Variants in RBMS3 observed in about 807,000 individuals in gnomAD.
RBMS3 encodes RNA-binding motif, single-stranded-interacting protein 3.
RBMS3 carries 27 observed loss-of-function variants against 66.8 expected under a neutral mutation model. The observed-to-expected ratio is 0.40, with a 90% confidence interval of 0.30 to 0.56. The LOEUF is 0.56. Ranked by LOEUF, RBMS3 falls within the 20% of genes least tolerant of loss-of-function variation. RBMS3 has a pLI of 0.40. For synonymous variants in RBMS3, 188 were observed against 183.0 expected (o/e 1.03, Z -0.22); for missense variants, 513 against 549.5 (o/e 0.93, Z 0.66).
chr3:29,854,919 A>G (rs992897387), intron 6 of RBMS3, among the ~76,000 whole-genome samples: 7 of 152,186 alleles, frequency 4.6e-5, no homozygotes, highest in African/African-American at 1.4e-4. Context: ...CCTGCAATTG[A>G]CTGTACTATT....
intron 10 of RBMS3, among the ~76,000 whole-genome samples, chr3:29,906,289 A>G (rs957834276): frequency 2.6e-5 from 4 of 152,086 alleles, no homozygotes; most frequent in African/African-American, 9.7e-5. Flanking sequence ...ACAATTCTGG[A>G]GGATGGAAAG....
intron 6 of RBMS3, among the ~76,000 whole-genome samples, chr3:29,771,729 G>A (rs1047842616): frequency 6.6e-6 from 1 of 151,984 alleles, no homozygotes; most frequent in Non-Finnish European, 1.5e-5. Context: ...AGGAAGTGTG[G>A]CTGGAGAAGA....
At chr3:29,438,024 T>TC (rs2041464931) in intron 2 of RBMS3, among the ~76,000 whole-genome samples, 1 of 99,468 alleles carries the variant, frequency 1.0e-5, no homozygotes, top group African/African-American at 4.3e-5. Context: ...AAAACCTTGC[T>TC]TGTTTCTCTC....
chr3:29,477,975 C>T (rs1011765854), intron 2 of RBMS3, among the ~76,000 whole-genome samples: 2 of 151,986 alleles, frequency 1.3e-5, no homozygotes, highest in African/African-American at 4.8e-5. Flanking sequence ...CACCATGTTG[C>T]CCAGGCTGGT....
At chr3:29,467,131 TC>T (rs2042571320) in intron 2 of RBMS3, among the ~76,000 whole-genome samples, 1 of 152,190 alleles carries the variant, frequency 6.6e-6, no homozygotes. Context: ...TTTGCCAAAT[TC>T]CCTAAATGAG....
At position 29,281,437 on chromosome 3, in the gene RBMS3, G is replaced by C. The variant is rs573154396; in HGVS notation, c.-245G>C. 3 of 530,846 alleles carry C rather than the reference G, an allele frequency of 5.7e-6. No homozygotes were observed. The African/African-American group carries it at 5.9e-5, about 11-fold the overall frequency. The allele number at this position is 530,846 out of a possible 1,614,324, so 32.9% of individuals were successfully genotyped here. A position where few individuals can be genotyped will look rare whatever the true frequency, so the allele number is the denominator to read the frequency against. ...AAGCCAGGCAAGATCTGGGAAGGCT[G>C]TGTGTGGGTGTTTTTTCTACAGATC... is the stretch of plus-strand genomic sequence containing the variant. On this transcript the variant is annotated 5_prime_UTR_variant, in exon 1 of 15. Coordinates refer to ENST00000383767, the MANE Select transcript of RBMS3 (RefSeq NM_001003793.3).
intron 5 of RBMS3, among the ~76,000 whole-genome samples, chr3:29,762,636 G>A: frequency 6.6e-6 from 1 of 152,120 alleles, no homozygotes; most frequent in Non-Finnish European, 1.5e-5. Flanking sequence ...ATTGCTGGGT[G>A]AATTAAGATA....
At chr3:29,316,674 A>AAC (rs1160199939) in intron 1 of RBMS3, among the ~76,000 whole-genome samples, 2 of 151,474 alleles carry the variant, frequency 1.3e-5, no homozygotes, top group African/African-American at 4.8e-5. Flanking sequence ...ATATTACAAA[A>AAC]ACAGTTGTCC....
At chr3:29,449,738 A>T (rs953570801) in intron 2 of RBMS3, among the ~76,000 whole-genome samples, 1 of 152,250 alleles carries the variant, frequency 6.6e-6, no homozygotes, top group Non-Finnish European at 1.5e-5. Flanking sequence ...CCATCATTTT[A>T]GTGTCATGGT....
intron 1 of RBMS3, among the ~76,000 whole-genome samples, chr3:29,326,586 C>T (rs2035348579): frequency 6.6e-6 from 1 of 152,034 alleles, no homozygotes; most frequent in Non-Finnish European, 1.5e-5. Flanking sequence ...ACCTACCTTC[C>T]TCACTACCTT....
chr3:29,430,031 C>T (rs2041119295), intron 1 of RBMS3, among the ~76,000 whole-genome samples: 1 of 151,962 alleles, frequency 6.6e-6, no homozygotes, highest in Non-Finnish European at 1.5e-5. Context: ...TTTTGCTTTT[C>T]ACAAATTAAT....
rs71091081 is a variant in RBMS3 at position 29,853,423 on chromosome 3, C to CTTTTTTTTTTTTTTTTTTTTTTTTTTTT, written c.638-15413_638-15412insTTTTTTTTTTTTTTTTTTTTTTTTTTTT. On this transcript the variant is annotated intron_variant, in intron 6 of 14. Coordinates refer to ENST00000383767, the MANE Select transcript of RBMS3 (RefSeq NM_001003793.3). ...TGTATCTTAAGCTACAATTTACTTTCTTTTTTTTTTTTTTTTTTTTTTGCA... is the reference window on the plus strand; with the variant it reads ...TGTATCTTAAGCTACAATTTACTTTCTTTTTTTTTTTTTTTTTTTTTTTTTTTTTTTTTTTTTTTTTTTTTTTTTTGCA... Among the ~76,000 whole-genome samples the CTTTTTTTTTTTTTTTTTTTTTTTTTTTT allele has an allele frequency of 1.1e-4, 9 of 84,526 alleles. 2 individuals carry two copies. The highest frequency in any genetic ancestry group is 4.9e-4 in the African/African-American group (9 of 18,406). 55.5% of individuals were successfully genotyped at this position (84,526 alleles called of 152,430 possible).
intron 10 of RBMS3, among the ~76,000 whole-genome samples, chr3:29,918,520 C>G (rs2149648805): frequency 6.6e-6 from 1 of 152,060 alleles, no homozygotes; most frequent in African/African-American, 2.4e-5. Context: ...TTCTTTTTGT[C>G]TCAAAGTTAT....
At chr3:29,760,612 G>T (rs1576723697) in intron 5 of RBMS3, among the ~76,000 whole-genome samples, 2 of 147,432 alleles carry the variant, frequency 1.4e-5, no homozygotes, top group East Asian at 4.0e-4. Context: ...AAGAGAGAAA[G>T]AACAGAGTTA....
Position 29,760,493 on chromosome 3 carries a change from C to T in RBMS3, c.558-2417C>T, listed in dbSNP as rs1284293263. On this transcript the variant is annotated intron_variant, in intron 5 of 14. Transcript: ENST00000383767. ...TTGTAGCTCTCCTGGAATAAAAATT[C>T]CATAAAGTAACATCTGTAGTAATTA... Among the ~76,000 whole-genome samples the T allele has an allele frequency of 3.9e-5, 6 of 151,932 alleles. No homozygotes were observed. The South Asian group carries it at 1.0e-3, about 26-fold the overall frequency.
chr3:29,795,689 A>G (rs1375421590), intron 6 of RBMS3, among the ~76,000 whole-genome samples: 1 of 152,168 alleles, frequency 6.6e-6, no homozygotes, highest in African/African-American at 2.4e-5. Context: ...AATATCTTAG[A>G]CTCATCTTTC....
At chr3:29,649,596 A>T (rs965883040) in intron 4 of RBMS3, among the ~76,000 whole-genome samples, 4 of 152,134 alleles carry the variant, frequency 2.6e-5, no homozygotes, top group African/African-American at 7.2e-5. Flanking sequence ...GGAACTGAGG[A>T]AGCATAATGA....
Position 29,546,108 on chromosome 3 carries a change from T to TTGTGTGTGTGTG in RBMS3, c.308-40972_308-40961dup, listed in dbSNP as rs71091070. The stretch of plus-strand genomic sequence containing the variant: ...GCTGGCACTGTTTGATGAGACGGGT[T>TTGTGTGTGTGTG]TGTGTGTGTGTGTGTGTGTGTGTGT... On this transcript the variant is annotated intron_variant, in intron 3 of 14. Coordinates refer to ENST00000383767, the MANE Select transcript of RBMS3 (RefSeq NM_001003793.3). Among the ~76,000 whole-genome samples, 36 of 146,044 alleles carry TTGTGTGTGTGTG rather than the reference T, an allele frequency of 2.5e-4. No individual in the cohort carries two copies. The East Asian group carries it at 3.3e-3, about 13-fold the overall frequency.
At chr3:29,621,680 T>G (rs1271428418) in intron 4 of RBMS3, among the ~76,000 whole-genome samples, 1 of 152,146 alleles carries the variant, frequency 6.6e-6, no homozygotes, top group East Asian at 1.9e-4. Flanking sequence ...CTACAAATAT[T>G]TGGTTTGGTT....
Sources: gnomAD v4.1 joint callset for allele counts (sites outside exome capture counted in the v4.1 genomes callset) on GRCh38, gnomAD v4.1.1 for gene constraint, MANE v1.5 for transcripts, NCBI Gene and HGNC (gene_info 2026-07-23, HGNC 2026-07-21) for gene names.